Variants in RRP36 observed in about 807,000 individuals in gnomAD.
RRP36 encodes the protein ribosomal RNA processing protein 36 homolog.
RRP36 carries 44 observed loss-of-function variants against 39.8 expected under a neutral mutation model. The observed-to-expected ratio is 1.10, with a 90% confidence interval of 0.87 to 1.42. RRP36 has a LOEUF of 1.42. RRP36 is among the 40% of genes most tolerant of loss of function. The probability of loss-of-function intolerance (pLI) is 0.00; values close to 1 mark genes in which losing one functional copy is unlikely to be tolerated. For synonymous variants in RRP36, 124 were observed against 123.1 expected (o/e 1.01, Z -0.05); for missense variants, 316 against 322.4 (o/e 0.98, Z 0.15).
chr6:43,021,695 C>T lies in RRP36; in HGVS notation c.41C>T (p.Ala14Val), dbSNP rs982280354. The change falls in exon 1 of 7, where the codon GCC becomes GTC. Residue 14 changes from alanine (A) to valine (V), a missense_variant. Ala to Val is a moderately conservative substitution (Grantham distance 64). Coordinates refer to ENST00000244496, the MANE Select transcript of RRP36 (RefSeq NM_033112.4). The part of the protein sequence containing the change: ...ANYRAGAGAG[A>V]GARRPRGARD... ...TACCGCGCCGGGGCCGGGGCCGGGG[C>T]CGGGGCCCGACGTCCCCGCGGGGCC... The T allele has an allele frequency of 8.1e-7, 1 of 1,238,184 alleles. No individual in the cohort carries two copies. The allele number at this position is 1,238,184 out of a possible 1,614,324, so 76.7% of individuals were successfully genotyped here. A position where few individuals can be genotyped will look rare whatever the true frequency, so the allele number is the denominator to read the frequency against.
chr6:43,026,162 T>G (rs776845897), intron 4 of RRP36, 21 bp downstream of exon 4: 1 of 1,573,748 alleles, frequency 6.4e-7, no homozygotes, highest in East Asian at 2.2e-5. Context: ...TGAGACTGGT[T>G]TATGGGGAAT....
chr6:43,026,354 T>TAA (rs977884247), intron 4 of RRP36, among the ~76,000 whole-genome samples: 33 of 152,226 alleles, frequency 2.2e-4, no homozygotes, highest in Admixed American at 1.8e-3. Context: ...TTTCTAATCA[T>TAA]AAAAAAATAA....
At position 43,027,350 on chromosome 6, in the gene RRP36, T is replaced by A; in HGVS notation, c.526-10T>A. The A allele has an allele frequency of 6.2e-7, 1 of 1,614,116 alleles. No individual in the cohort carries two copies. Among genetic ancestry groups the A allele is most frequent in the Non-Finnish European group, 8.5e-7 (1 of 1,179,952 alleles). ...CCCTCCCGTTCACCCATCTCATCTT[T>A]GCTCCTCAGGAGCAGCAAGAAATGG... On this transcript the variant is annotated splice_polypyrimidine_tract_variant and intron_variant, in intron 5 of 6. Transcript: ENST00000244496.
chr6:43,026,440 G>A (rs1762814503), intron 4 of RRP36, among the ~76,000 whole-genome samples: 1 of 152,152 alleles, frequency 6.6e-6, no homozygotes, highest in Admixed American at 6.5e-5. Context: ...GGGAGACTGA[G>A]GTGAGCACAT....
chr6:43,028,477 G>A (rs113295612), intron 6 of RRP36, among the ~76,000 whole-genome samples: 1,719 of 151,432 alleles, frequency 0.011, 34 homozygotes, highest in African/African-American at 0.039. Flanking sequence ...GTGAAACCCC[G>A]TCTCTACTAA....
chr6:43,025,359 A>C, intron 3 of RRP36, 30 bp downstream of exon 3: 6 of 1,607,374 alleles, frequency 3.7e-6, no homozygotes, highest in African/African-American at 1.3e-5. Flanking sequence ...ACTGTGGCTC[A>C]CGCCTGTAAT....
Position 43,029,361 on chromosome 6 carries a change from T to A in RRP36, c.*133T>A. 9.9e-7 allele frequency: 1 copy of A among 1,012,430 alleles called. No individual in the cohort carries two copies. The highest frequency in any genetic ancestry group is 1.5e-6 in the Non-Finnish European group (1 of 689,014). The allele number at this position is 1,012,430 out of a possible 1,614,324, so 62.7% of individuals were successfully genotyped here. On this transcript the variant is annotated 3_prime_UTR_variant, in exon 7 of 7. Coordinates refer to ENST00000244496, the MANE Select transcript of RRP36 (RefSeq NM_033112.4). Reference sequence around the variant, plus strand: ...TGAATCTCATTGCCTCAGAGAAGACTAGAGGGCTCTTGGACTATCCCTAGG... The same window carrying A: ...TGAATCTCATTGCCTCAGAGAAGACAAGAGGGCTCTTGGACTATCCCTAGG...
chr6:43,025,982 TCAGTGAAAG>T, intron 3 of RRP36, 46 bp from the exon 4 acceptor site: 2 of 1,332,212 alleles, frequency 1.5e-6, no homozygotes, highest in Admixed American at 1.9e-5. Context: ...GCACTTTTTC[TCAGTGAAAG>T]GAGATTGAAC....
Position 43,027,261 on chromosome 6 carries a change from GTAA to G in RRP36, c.525+14_525+16del, listed in dbSNP as rs757698090. 11 of 1,613,750 alleles carry G rather than the reference GTAA, an allele frequency of 6.8e-6. No homozygotes were observed. The highest frequency in any genetic ancestry group is 9.3e-6 in the Non-Finnish European group (11 of 1,179,722). Reference sequence around the variant, plus strand: ...AACTGCTTCAGCGAATGGTGAGTGGGTAATAATTGTGGTGGGTAATGAAAGCAA... The same window carrying G: ...AACTGCTTCAGCGAATGGTGAGTGGGTAATTGTGGTGGGTAATGAAAGCAA... On this transcript the variant is annotated intron_variant, in intron 5 of 6. Coordinates refer to ENST00000244496, the MANE Select transcript of RRP36 (RefSeq NM_033112.4).
Position 43,027,156 on chromosome 6 carries a change from A to T in RRP36, c.451-22A>T, listed in dbSNP as rs193054435. 2.0e-4 allele frequency: 319 copies of T among 1,610,196 alleles called. 1 individual carries two copies. In the East Asian group the frequency reaches 6.7e-3, roughly 34 times the overall value. ...TAACATTTGCAGAATGCTAACCATGATACTCATTTTCCAATGTGGAGCTTG... is the reference window on the plus strand; with the variant it reads ...TAACATTTGCAGAATGCTAACCATGTTACTCATTTTCCAATGTGGAGCTTG... On this transcript the variant is annotated intron_variant, in intron 4 of 6. Transcript: ENST00000244496.
At chr6:43,023,513 G>A (rs1762763420) in intron 1 of RRP36, among the ~76,000 whole-genome samples, 1 of 151,976 alleles carries the variant, frequency 6.6e-6, no homozygotes, top group South Asian at 2.1e-4. Context: ...GGCCAACATG[G>A]TGAAACTCGT....
intron 1 of RRP36, among the ~76,000 whole-genome samples, chr6:43,024,272 C>A (rs1378826666): frequency 6.6e-6 from 1 of 151,864 alleles, no homozygotes; most frequent in East Asian, 1.9e-4. Flanking sequence ...GGGAAGTGTA[C>A]CAAGCAGAGG....
intron 4 of RRP36, 65 bp from the exon 5 acceptor site, chr6:43,027,113 T>C (rs2150296959): frequency 1.4e-6 from 2 of 1,437,560 alleles, no homozygotes; most frequent in African/African-American, 1.4e-5. Context: ...AGGATAATGC[T>C]TTACATAAAA....
intron 6 of RRP36, 135 bp from the exon 7 acceptor site, chr6:43,028,957 A>C: frequency 1.6e-6 from 2 of 1,217,410 alleles, no homozygotes; most frequent in Non-Finnish European, 2.3e-6. Context: ...CGTCTCAGAA[A>C]AAAGATAGAG....
intron 1 of RRP36, among the ~76,000 whole-genome samples, chr6:43,022,928 G>A (rs1762752758): frequency 6.6e-6 from 1 of 152,080 alleles, no homozygotes; most frequent in Admixed American, 6.5e-5. Context: ...ACCTCGCCCA[G>A]CCAGGTCTCA....
At chr6:43,027,989 G>C (rs770039266) in intron 6 of RRP36, among the ~76,000 whole-genome samples, 1 of 152,148 alleles carries the variant, frequency 6.6e-6, no homozygotes, top group African/African-American at 2.4e-5. Context: ...AGGCACATAG[G>C]TGTTCATAGT....
rs1047580105 is a variant in RRP36, at chr6:43,027,622, G to A, written c.643+145G>A. Reference sequence around the variant, plus strand: ...AACTTGGAGGAAAGTAGAAATAGTAGGGAGTTGTTTGTAACCAGTCTTGTA... The same window carrying A: ...AACTTGGAGGAAAGTAGAAATAGTAAGGAGTTGTTTGTAACCAGTCTTGTA... On this transcript the variant is annotated intron_variant, in intron 6 of 6. Coordinates refer to ENST00000244496, the MANE Select transcript of RRP36 (RefSeq NM_033112.4). 40 of 705,948 alleles carry A rather than the reference G, an allele frequency of 5.7e-5. No individual in the cohort carries two copies. In the African/African-American group the frequency reaches 6.4e-4, roughly 11 times the overall value. The allele number at this position is 705,948 out of a possible 1,614,324, so 43.7% of individuals were successfully genotyped here.
Position 43,027,422 on chromosome 6 carries a change from G to GCTT in RRP36, c.589_590insTTC (p.Lys196_Gln197insLeu), listed in dbSNP as rs1762833624. The stretch of plus-strand genomic sequence containing the variant: ...AGCAGGAGCTGCACCTGGCCCTGAA[G>GCTT]CAAGAACGTCGGGCTCAGGCCCAGC... On this transcript the variant is annotated inframe_insertion, in exon 6 of 7. Transcript: ENST00000244496. 1 of 1,614,090 alleles carries GCTT rather than the reference G, an allele frequency of 6.2e-7. No individual in the cohort carries two copies. Among genetic ancestry groups the GCTT allele is most frequent in the Non-Finnish European group, 8.5e-7 (1 of 1,180,048 alleles).
chr6:43,023,489 A>G (rs1367969358), intron 1 of RRP36, among the ~76,000 whole-genome samples: 1 of 151,990 alleles, frequency 6.6e-6, no homozygotes, highest in Non-Finnish European at 1.5e-5. Flanking sequence ...AGGTCAGGAG[A>G]TCAAGACCAT....
Sources: allele counts gnomAD v4.1 joint callset (sites outside exome capture counted in the v4.1 genomes callset), GRCh38; gene constraint gnomAD v4.1.1; transcripts MANE v1.5; gene names NCBI Gene and HGNC (gene_info 2026-07-23, HGNC 2026-07-21).